MINAR2: variants seen among roughly 807,000 people sequenced by gnomAD.
MINAR2 encodes the protein membrane integral NOTCH2 associated receptor 2, also known as major intrinsically disordered NOTCH2-binding receptor 1-like.
In MINAR2, 21 loss-of-function variants were observed where a neutral mutation model predicts 16.1. The observed-to-expected ratio is 1.31, with a 90% CI of 0.93 to 1.88. MINAR2 has a LOEUF of 1.88. Among genes scored for constraint, MINAR2 ranks in the 40% most tolerant of loss-of-function variants. The pLI, the probability that MINAR2 is intolerant of heterozygous loss-of-function variation, is 0.00. For missense variants in MINAR2, 259 were observed against 229.8 expected (o/e 1.13, Z -0.82); for synonymous variants, 86 against 83.0 (o/e 1.04, Z -0.20).
intron 2 of MINAR2, among the ~76,000 whole-genome samples, chr5:129,762,284 A>G (rs1281782146): frequency 6.6e-6 from 1 of 152,180 alleles, no homozygotes; most frequent in Non-Finnish European, 1.5e-5. Flanking sequence ...AAGAAACCAA[A>G]ATGCCTTTTC....
chr5:129,751,110 T>C (rs1295584750), intron 1 of MINAR2, among the ~76,000 whole-genome samples: 2 of 152,240 alleles, frequency 1.3e-5, no homozygotes, highest in Non-Finnish European at 2.9e-5. Context: ...ATCATTTTAT[T>C]ATCAATGACT....
At chr5:129,755,850 GTTTTA>G (rs1199806723) in intron 1 of MINAR2, among the ~76,000 whole-genome samples, 6 of 151,786 alleles carry the variant, frequency 4.0e-5, no homozygotes, top group Non-Finnish European at 7.4e-5. Context: ...TATTTTGACT[GTTTTA>G]TTATATTTAT....
At chr5:129,756,958 A>AC (rs1561684706) in intron 1 of MINAR2, among the ~76,000 whole-genome samples, 1 of 117,986 alleles carries the variant, frequency 8.5e-6, no homozygotes, top group African/African-American at 3.1e-5. Context: ...AAAAAAAAAA[A>AC]CACACACACA....
intron 1 of MINAR2, among the ~76,000 whole-genome samples, chr5:129,756,903 T>C (rs1486560273): frequency 7.1e-6 from 1 of 141,768 alleles, no homozygotes; most frequent in East Asian, 2.0e-4. Context: ...TTTCATTAGG[T>C]TTGCTGAGTG....
At chr5:129,759,814 A>G (rs1158868679) in intron 1 of MINAR2, among the ~76,000 whole-genome samples, 1 of 116,364 alleles carries the variant, frequency 8.6e-6, no homozygotes, top group Non-Finnish European at 2.1e-5. Flanking sequence ...AATCAGTATT[A>G]GAGCTATCTA....
intron 1 of MINAR2, among the ~76,000 whole-genome samples, chr5:129,756,894 T>A (rs1220765444): frequency 9.5e-5 from 14 of 147,888 alleles, no homozygotes; most frequent in African/African-American, 3.5e-4. Context: ...AAGCTTGAGT[T>A]TCATTAGGTT....
chr5:129,765,145 C>CA lies in MINAR2; in HGVS notation c.*89dup, dbSNP rs957287433. On this transcript the variant is annotated 3_prime_UTR_variant, in exon 3 of 3. Transcript: ENST00000564719. The stretch of plus-strand genomic sequence containing the variant: ...TTTGAAACCCCCCCCACCAAAATAA[C>CA]AAAAAAACACATGTACATGCAGTGT... 9 of 742,462 alleles carry CA rather than the reference C, an allele frequency of 1.2e-5. No homozygotes were observed. Among genetic ancestry groups the CA allele is most frequent in the Admixed American group, 8.2e-5 (2 of 24,480 alleles). 46.0% of individuals were successfully genotyped at this position (742,462 alleles called of 1,614,324 possible).
intron 1 of MINAR2, among the ~76,000 whole-genome samples, chr5:129,753,581 G>A (rs1258276271): frequency 6.6e-6 from 1 of 150,604 alleles, no homozygotes; most frequent in African/African-American, 2.4e-5. Context: ...GTGAAACCCC[G>A]TCTCTACTAA....
intron 1 of MINAR2, among the ~76,000 whole-genome samples, chr5:129,754,660 G>A (rs556680914): frequency 6.6e-6 from 1 of 151,760 alleles, no homozygotes; most frequent in South Asian, 2.1e-4. Flanking sequence ...TTTTTCTCTT[G>A]GTAATAGTAC....
At position 129,766,021 on chromosome 5, in the gene MINAR2, G is replaced by A. The variant is rs1758207482; in HGVS notation, c.*958G>A. 1 of 152,154 alleles carries A rather than the reference G, an allele frequency of 6.6e-6. No homozygotes were observed. 9.4% of individuals were successfully genotyped at this position (152,154 alleles called of 1,614,324 possible). A position where few individuals can be genotyped will look rare whatever the true frequency, so the allele number is the denominator to read the frequency against. ...GAAATAAGCAGTTGCTTAATTAAAG[G>A]CAGTTGTTATTATTAATTTATGCTA... On this transcript the variant is annotated 3_prime_UTR_variant, in exon 3 of 3. Coordinates refer to ENST00000564719, the MANE Select transcript of MINAR2 (RefSeq NM_001257308.2).
intron 1 of MINAR2, among the ~76,000 whole-genome samples, chr5:129,749,843 A>G (rs1472255352): frequency 6.6e-6 from 1 of 152,216 alleles, no homozygotes; most frequent in Non-Finnish European, 1.5e-5. Context: ...CTAAACCTAA[A>G]TGAAATGCAA....
intron 1 of MINAR2, among the ~76,000 whole-genome samples, chr5:129,749,160 T>C (rs1757955373): frequency 6.6e-6 from 1 of 152,198 alleles, no homozygotes; most frequent in Non-Finnish European, 1.5e-5. Flanking sequence ...GGTTAAGAGT[T>C]AGTCAATTTA....
rs1475518332 is a variant in MINAR2 at position 129,766,155 on chromosome 5, T to C, written c.*1092T>C. 1.3e-5 allele frequency: 2 copies of C among 152,200 alleles called. No homozygotes were observed. The highest frequency in any genetic ancestry group is 2.9e-5 in the Non-Finnish European group (2 of 68,050). 9.4% of individuals were successfully genotyped at this position (152,200 alleles called of 1,614,324 possible). ...CCATCCTGCCCTTCCTTCTAGAACA[T>C]CCTTTCCTAAGCCCCTCATTCCCAC... On this transcript the variant is annotated 3_prime_UTR_variant, in exon 3 of 3. Transcript: ENST00000564719.
intron 1 of MINAR2, among the ~76,000 whole-genome samples, chr5:129,753,735 A>G (rs1046473876): frequency 6.6e-6 from 1 of 151,548 alleles, no homozygotes; most frequent in Non-Finnish European, 1.5e-5. Context: ...CCTGGGCAAC[A>G]GGGTGGGACT....
intron 1 of MINAR2, among the ~76,000 whole-genome samples, chr5:129,755,910 T>G (rs1412561232): frequency 6.6e-6 from 1 of 152,094 alleles, no homozygotes; most frequent in African/African-American, 2.4e-5. Context: ...GCTTAATACC[T>G]TATTAATTTT....
At chr5:129,754,805 A>G (rs750982111) in intron 1 of MINAR2, among the ~76,000 whole-genome samples, 4 of 152,256 alleles carry the variant, frequency 2.6e-5, no homozygotes, top group South Asian at 2.1e-4. Flanking sequence ...GTCATCTGCT[A>G]TTTGTTTATT....
rs1229790661 is a variant in MINAR2, at chr5:129,751,488, T to G, written c.165+3133T>G. Among the ~76,000 whole-genome samples, 5 of 152,194 alleles carry G rather than the reference T, an allele frequency of 3.3e-5. No homozygotes were observed. The East Asian group carries it at 9.6e-4, about 29-fold the overall frequency. ...CTCCCAAAGTGCTCAATTATAGGCATGAGTCACCATGCCTGGCCTCAATCT... is the reference window on the plus strand; with the variant it reads ...CTCCCAAAGTGCTCAATTATAGGCAGGAGTCACCATGCCTGGCCTCAATCT... On this transcript the variant is annotated intron_variant, in intron 1 of 2. Transcript: ENST00000564719.
chr5:129,749,448 T>C (rs1757959282), intron 1 of MINAR2, among the ~76,000 whole-genome samples: 1 of 152,178 alleles, frequency 6.6e-6, no homozygotes, highest in South Asian at 2.1e-4. Context: ...ATTTCCATTG[T>C]AAGGCAGCCT....
intron 1 of MINAR2, among the ~76,000 whole-genome samples, chr5:129,758,780 A>G (rs1758087779): frequency 6.6e-6 from 1 of 152,064 alleles, no homozygotes; most frequent in East Asian, 1.9e-4. Flanking sequence ...TGCTAAGCTC[A>G]TATCATTTAA....
Sources: gnomAD v4.1 joint callset for allele counts (sites outside exome capture counted in the v4.1 genomes callset) on GRCh38, gnomAD v4.1.1 for gene constraint, MANE v1.5 for transcripts, NCBI Gene and HGNC (gene_info 2026-07-23, HGNC 2026-07-21) for gene names.